GPC6: variants seen among roughly 807,000 people sequenced by gnomAD.
GPC6 encodes the protein glypican 6, also known as glypican-6.
In GPC6, 14 loss-of-function variants were observed where a neutral mutation model predicts 55.2. The observed-to-expected ratio is 0.25, with a 90% CI of 0.17 to 0.40. The LOEUF (loss-of-function observed/expected upper bound fraction) is 0.40. Ranked by LOEUF, GPC6 falls within the 10% of genes least tolerant of loss-of-function variation. The pLI is 1.00. For synonymous variants in GPC6, 278 were observed against 259.6 expected (o/e 1.07, Z -0.68); for missense variants, 641 against 708.5 (o/e 0.90, Z 1.08).
intron 2 of GPC6, among the ~76,000 whole-genome samples, chr13:93,793,377 G>A (rs994674708): frequency 8.5e-5 from 13 of 152,148 alleles, no homozygotes; most frequent in African/African-American, 3.1e-4. Context: ...TGCTCTCTGA[G>A]TGAAAAAGCT....
intron 1 of GPC6, among the ~76,000 whole-genome samples, chr13:93,397,258 C>T (rs1431793922): frequency 6.6e-6 from 1 of 152,138 alleles, no homozygotes; most frequent in African/African-American, 2.4e-5. Flanking sequence ...CATCATTTTC[C>T]ATTTCCATCA....
At chr13:93,835,265 G>C (rs1445783706) in intron 3 of GPC6, among the ~76,000 whole-genome samples, 1 of 151,944 alleles carries the variant, frequency 6.6e-6, no homozygotes, top group Non-Finnish European at 1.5e-5. Flanking sequence ...ACCCAGCCTA[G>C]GCAACATGGT....
intron 3 of GPC6, among the ~76,000 whole-genome samples, chr13:93,950,662 T>C (rs1451083506): frequency 6.6e-6 from 1 of 152,200 alleles, no homozygotes; most frequent in African/African-American, 2.4e-5. Flanking sequence ...GGTCACTCTG[T>C]TCACTTTGAT....
At chr13:94,288,752 A>G (rs1253861658) in intron 5 of GPC6, among the ~76,000 whole-genome samples, 4 of 133,044 alleles carry the variant, frequency 3.0e-5, no homozygotes, top group African/African-American at 1.1e-4. Flanking sequence ...TATATATAAT[A>G]TATATAATAA....
At chr13:93,373,845 A>G (rs1242496047) in intron 1 of GPC6, among the ~76,000 whole-genome samples, 1 of 152,300 alleles carries the variant, frequency 6.6e-6, no homozygotes, top group South Asian at 2.1e-4. Flanking sequence ...TTTATTATAT[A>G]TATTGTTTCT....
intron 1 of GPC6, among the ~76,000 whole-genome samples, chr13:93,409,502 G>T (rs1876416909): frequency 6.6e-6 from 1 of 152,144 alleles, no homozygotes; most frequent in Admixed American, 6.5e-5. Context: ...AAGGGAAGGT[G>T]TTGCCTCAAC....
At position 93,822,898 on chromosome 13, in the gene GPC6, C is replaced by T. The variant is rs182676922; in HGVS notation, c.320-7256C>T. Among the ~76,000 whole-genome samples, 332 of 150,742 alleles carry T rather than the reference C, an allele frequency of 2.2e-3. 1 individual carries two copies. Among genetic ancestry groups the T allele is most frequent in the African/African-American group, 7.8e-3 (322 of 41,122 alleles). On this transcript the variant is annotated intron_variant, in intron 2 of 8. Transcript: ENST00000377047. The stretch of plus-strand genomic sequence containing the variant: ...ATTTTCTTTGAGATGGAGTCTCGCT[C>T]TGTCACCCAGGCTGGAGTGCAGTGG...
intron 1 of GPC6, among the ~76,000 whole-genome samples, chr13:93,287,230 G>A (rs536511674): frequency 6.6e-6 from 1 of 152,224 alleles, no homozygotes; most frequent in South Asian, 2.1e-4. Flanking sequence ...AGATAAAAGA[G>A]CCTACTGAGA....
chr13:94,286,731 A>C (rs554131715), intron 5 of GPC6, among the ~76,000 whole-genome samples: 35 of 152,310 alleles, frequency 2.3e-4, no homozygotes, highest in African/African-American at 8.2e-4. Flanking sequence ...GGTTTCAGAG[A>C]GCCCCAAGTA....
chr13:94,347,723 G>A (rs564415099), intron 6 of GPC6, among the ~76,000 whole-genome samples: 1 of 152,282 alleles, frequency 6.6e-6, no homozygotes, highest in Non-Finnish European at 1.5e-5. Flanking sequence ...AAGGTACCTT[G>A]TTATCAAACA....
intron 2 of GPC6, among the ~76,000 whole-genome samples, chr13:93,720,522 TG>T (rs754402391): frequency 3.3e-5 from 5 of 152,072 alleles, no homozygotes; most frequent in Non-Finnish European, 7.4e-5. Flanking sequence ...AAACAGCTCC[TG>T]GATTCATTGA....
At chr13:93,314,239 G>A (rs572627385) in intron 1 of GPC6, among the ~76,000 whole-genome samples, 30 of 151,830 alleles carry the variant, frequency 2.0e-4, no homozygotes, top group African/African-American at 6.1e-4. Context: ...ATAATACAAC[G>A]TAATGCATCA....
chr13:94,232,482 G>A (rs980716200), intron 4 of GPC6, among the ~76,000 whole-genome samples: 1 of 151,300 alleles, frequency 6.6e-6, no homozygotes, highest in African/African-American at 2.4e-5. Context: ...TTAAATAGAG[G>A]AAATCTAAAT....
chr13:93,647,150 T>G (rs2139594037), intron 2 of GPC6, among the ~76,000 whole-genome samples: 1 of 152,266 alleles, frequency 6.6e-6, no homozygotes, highest in South Asian at 2.1e-4. Context: ...TCTGGGTTAA[T>G]TATATATACA....
intron 3 of GPC6, among the ~76,000 whole-genome samples, chr13:93,989,779 G>C (rs1295026115): frequency 6.6e-6 from 1 of 152,050 alleles, no homozygotes; most frequent in Non-Finnish European, 1.5e-5. Flanking sequence ...CCAAGACTCT[G>C]ATTTAGTCAA....
chr13:93,885,923 G>C (rs1449223204), intron 3 of GPC6, among the ~76,000 whole-genome samples: 1 of 152,104 alleles, frequency 6.6e-6, no homozygotes, highest in Non-Finnish European at 1.5e-5. Context: ...GGTGATGCAG[G>C]TGGTTGGTAT....
At chr13:93,897,881 A>G (rs939163965) in intron 3 of GPC6, among the ~76,000 whole-genome samples, 5 of 152,264 alleles carry the variant, frequency 3.3e-5, no homozygotes, top group Admixed American at 2.6e-4. Flanking sequence ...ATTAGTTCAC[A>G]TATTTCACTA....
intron 1 of GPC6, among the ~76,000 whole-genome samples, chr13:93,538,992 A>G (rs894157478): frequency 1.3e-5 from 2 of 151,658 alleles, no homozygotes; most frequent in Non-Finnish European, 1.5e-5. Context: ...GGTTAGTTAC[A>G]TATGTATACA....
chr13:93,247,329 G>A (rs1421311420), intron 1 of GPC6, among the ~76,000 whole-genome samples: 1 of 152,104 alleles, frequency 6.6e-6, no homozygotes, highest in Non-Finnish European at 1.5e-5. Context: ...TTTGAAAATG[G>A]GAACTTGTAA....
Sources: gnomAD v4.1 joint callset for allele counts (sites outside exome capture counted in the v4.1 genomes callset) on GRCh38, gnomAD v4.1.1 for gene constraint, MANE v1.5 for transcripts, NCBI Gene and HGNC (gene_info 2026-07-23, HGNC 2026-07-21) for gene names.